NCOR2: variants seen among roughly 807,000 people sequenced by gnomAD.
NCOR2 encodes the protein CTG repeat protein 26.
NCOR2 carries 81 observed loss-of-function variants against 262.9 expected under a neutral mutation model. That is an observed-to-expected ratio of 0.31 (90% CI 0.26 to 0.37). The LOEUF is 0.37. Ranked by LOEUF, NCOR2 falls within the 10% of genes least tolerant of loss-of-function variation. The pLI, the probability that NCOR2 is intolerant of heterozygous loss-of-function variation, is 1.00. For synonymous variants in NCOR2, 1,659 were observed against 1,559.3 expected (o/e 1.06, Z -1.51); for missense variants, 3,385 against 3,621.4 (o/e 0.93, Z 1.68).
intron 1 of NCOR2, among the ~76,000 whole-genome samples, chr12:124,544,593 G>A (rs967419949): frequency 3.3e-5 from 5 of 152,142 alleles, no homozygotes; most frequent in African/African-American, 7.2e-5. Context: ...AGCAGGCTCC[G>A]CCCCCACTCA....
intron 20 of NCOR2, among the ~76,000 whole-genome samples, chr12:124,365,074 T>C (rs1412200814): frequency 6.6e-6 from 1 of 151,876 alleles, no homozygotes; most frequent in Non-Finnish European, 1.5e-5. Flanking sequence ...GGCCTACGTT[T>C]GGGGGTATGG....
rs934871698 is a variant in NCOR2 at position 124,395,116 on chromosome 12, T to G, written c.1876+3003A>C. ...GGGAGGGGTGGGGCTGGCTCATTCCTGAGTGCCCCTGCCACACAGAGAGTG... is the reference window on the plus strand; with the variant it reads ...GGGAGGGGTGGGGCTGGCTCATTCCGGAGTGCCCCTGCCACACAGAGAGTG... On this transcript the variant is annotated intron_variant, in intron 16 of 46. Transcript: ENST00000405201. Among the ~76,000 whole-genome samples the G allele has an allele frequency of 3.3e-5, 5 of 152,216 alleles. 1 individual carries two copies. The highest frequency in any genetic ancestry group is 2.6e-4 in the Admixed American group (4 of 15,282).
At chr12:124,387,547 C>T (rs953940731) in intron 16 of NCOR2, among the ~76,000 whole-genome samples, 2 of 152,252 alleles carry the variant, frequency 1.3e-5, no homozygotes, top group African/African-American at 4.8e-5. Flanking sequence ...GGTCCTCTGG[C>T]CCCCGTGGCG....
At position 124,354,469 on chromosome 12, in the gene NCOR2, G is replaced by C; in HGVS notation, c.3589+9C>G. The C allele has an allele frequency of 1.3e-6, 2 of 1,518,110 alleles. No homozygotes were observed. Among genetic ancestry groups the C allele is most frequent in the African/African-American group, 1.4e-5 (1 of 72,302 alleles). The allele number at this position is 1,518,110 out of a possible 1,614,324, so 94.0% of individuals were successfully genotyped here. ...AGATGCTGGGGGCCCAGGGCAGAAG[G>C]GCCCTCACCTCTCAGCACGGACGCC... On this transcript the variant is annotated intron_variant, in intron 26 of 46. Coordinates refer to ENST00000405201, the Ensembl canonical transcript of NCOR2.
intron 5 of NCOR2, among the ~76,000 whole-genome samples, 190 bp downstream of exon 7, chr12:124,465,983 G>C (rs2046394716): frequency 6.6e-6 from 1 of 152,298 alleles, no homozygotes; most frequent in Non-Finnish European, 1.5e-5. Flanking sequence ...ACAGCCCAGA[G>C]GCCACACCAG....
intron 13 of NCOR2, among the ~76,000 whole-genome samples, chr12:124,414,727 C>CAA (rs1324109765): frequency 3.5e-4 from 54 of 152,320 alleles, no homozygotes; most frequent in Non-Finnish European, 4.4e-5. Flanking sequence ...GGCACCCTAC[C>CAA]CCTGAGGGTG....
chr12:124,547,441 C>A (rs2137245409), intron 1 of NCOR2, among the ~76,000 whole-genome samples: 1 of 152,286 alleles, frequency 6.6e-6, no homozygotes, highest in Non-Finnish European at 1.5e-5. Flanking sequence ...CACTGGGGGT[C>A]TTAGAATATA....
At chr12:124,518,903 G>A (rs1299415066) in intron 1 of NCOR2, among the ~76,000 whole-genome samples, 1 of 152,166 alleles carries the variant, frequency 6.6e-6, no homozygotes, top group Non-Finnish European at 1.5e-5. Flanking sequence ...CCGAACCCAG[G>A]CCTCGGCCCA....
intron 3 of NCOR2, among the ~76,000 whole-genome samples, chr12:124,480,005 A>T (rs1427521752): frequency 1.3e-5 from 2 of 152,208 alleles, no homozygotes; most frequent in African/African-American, 4.8e-5. Context: ...GCGCTCACTT[A>T]ATGGCACCCG....
chr12:124,439,369 A>G (rs1244151196), intron 7 of NCOR2, among the ~76,000 whole-genome samples: 2 of 105,336 alleles, frequency 1.9e-5, no homozygotes, highest in South Asian at 3.0e-4. Flanking sequence ...AGAGACCCGG[A>G]GACAGAGGGA....
At chr12:124,462,772 C>T (rs34717121) in intron 5 of NCOR2, among the ~76,000 whole-genome samples, 8 of 152,348 alleles carry the variant, frequency 5.3e-5, no homozygotes, top group South Asian at 2.1e-4. Flanking sequence ...GAATGCTTCA[C>T]GTTCACGGTG....
At chr12:124,442,867 G>A (rs1158663739) in intron 7 of NCOR2, among the ~76,000 whole-genome samples, 6 of 152,148 alleles carry the variant, frequency 3.9e-5, no homozygotes, top group Admixed American at 2.0e-4. Context: ...GGGAAATTTG[G>A]ACAAAAAGAC....
chr12:124,481,515 G>A lies in NCOR2; in HGVS notation c.411+2081C>T, dbSNP rs2047485554. The stretch of plus-strand genomic sequence containing the variant: ...CCTGGAGGGCAGCCAGGGCTGGAAG[G>A]AGCGAGGAAAGAGGAATGTGCCTGG... On this transcript the variant is annotated intron_variant, in intron 3 of 46. Transcript: ENST00000405201. The surrounding 1 kb of genome is among the most constrained non-coding windows in gnomAD (Gnocchi z 4.6). Among the ~76,000 whole-genome samples the A allele has an allele frequency of 6.6e-6, 1 of 152,306 alleles. No individual in the cohort carries two copies. The highest frequency in any genetic ancestry group is 1.9e-4 in the East Asian group (1 of 5,172).
upstream of NCOR2, among the ~76,000 whole-genome samples, chr12:124,499,698 G>A (rs2048589057): frequency 6.6e-6 from 1 of 152,186 alleles, no homozygotes; most frequent in South Asian, 2.1e-4. Flanking sequence ...GAATATGGGG[G>A]GAAGTGGGGA....
intron 18 of NCOR2, 48 bp from the exon 21 acceptor site, chr12:124,374,511 T>TGGGAG (rs754043587): frequency 6.3e-7 from 1 of 1,585,534 alleles, no homozygotes; most frequent in Non-Finnish European, 8.6e-7. Context: ...CACCAAGTAG[T>TGGGAG]GGGAGGGGAG....
At chr12:124,438,138 C>A in intron 7 of NCOR2, 142 bp from the exon 10 acceptor site, 1 of 725,522 alleles carries the variant, frequency 1.4e-6, no homozygotes, top group Non-Finnish European at 2.3e-6. Flanking sequence ...GTGCTGTATC[C>A]CCAGAGAGAC....
intron 1 of NCOR2, among the ~76,000 whole-genome samples, chr12:124,559,691 C>A (rs2052006109): frequency 1.3e-5 from 2 of 151,748 alleles, no homozygotes; most frequent in South Asian, 4.2e-4. Context: ...AAGCTCAGGG[C>A]AAAGGGAAAA....
At chr12:124,502,627 G>A (rs560761520) in intron 1 of NCOR2, among the ~76,000 whole-genome samples, 1 of 152,236 alleles carries the variant, frequency 6.6e-6, no homozygotes, top group South Asian at 2.1e-4. Flanking sequence ...AGTGGGGTGA[G>A]CGAAGGCATG....
At chr12:124,433,199 G>A (rs747588981) in intron 8 of NCOR2, among the ~76,000 whole-genome samples, 10 of 152,312 alleles carry the variant, frequency 6.6e-5, no homozygotes, top group East Asian at 5.8e-4. Context: ...CCAGGAACGC[G>A]CTGGAGATCA....
Sources: gnomAD v4.1 joint callset for allele counts (sites outside exome capture counted in the v4.1 genomes callset) on GRCh38, gnomAD v4.1.1 for gene constraint, Gnocchi (gnomAD v3.1) non-coding constraint, MANE v1.5 for transcripts, NCBI Gene and HGNC (gene_info 2026-07-23, HGNC 2026-07-21) for gene names.